The following LUZP2 variants were observed in gnomAD, a reference collection of about 807,000 sequenced individuals.
The protein encoded by LUZP2 is leucine zipper protein 2.
Under a neutral mutation model 51.6 loss-of-function variants are expected in LUZP2, and 52 were observed. That is an observed-to-expected ratio of 1.01 (90% confidence interval 0.81 to 1.27). The LOEUF is 1.27. LUZP2 is among the 50% of genes most tolerant of loss of function. The probability of loss-of-function intolerance (pLI) is 0.00; values close to 1 mark genes in which losing one functional copy is unlikely to be tolerated. For synonymous variants in LUZP2, 154 were observed against 137.3 expected, an observed-to-expected ratio of 1.12 and a Z score of -0.85; for missense variants, 436 against 395.4, an observed-to-expected ratio of 1.10 and a Z score of -0.87.
chr11:24,680,474 A>C (rs114469430), intron 1 of LUZP2, among the ~76,000 whole-genome samples: 3,054 of 152,310 alleles, frequency 0.02, 106 homozygotes, highest in African/African-American at 0.068. Context: ...GTGTTCCTTT[A>C]ACCACTTCAT....
At chr11:24,746,385 T>G (rs1859381491) in intron 4 of LUZP2, among the ~76,000 whole-genome samples, 2 of 152,284 alleles carry the variant, frequency 1.3e-5, no homozygotes, top group South Asian at 2.1e-4. Flanking sequence ...AGGGCCCCAA[T>G]CCTTCTAGCT....
chr11:24,722,452 A>C (rs976064305), intron 1 of LUZP2, among the ~76,000 whole-genome samples: 1 of 152,182 alleles, frequency 6.6e-6, no homozygotes, highest in Non-Finnish European at 1.5e-5. Flanking sequence ...TCATGAGAAC[A>C]GCATGGGAAA....
chr11:24,989,883 A>G (rs1215098015), intron 9 of LUZP2, among the ~76,000 whole-genome samples: 1 of 152,132 alleles, frequency 6.6e-6, no homozygotes, highest in Non-Finnish European at 1.5e-5. Flanking sequence ...TTTTTTTTCT[A>G]TACTAGTATT....
At chr11:24,618,626 G>T (rs1854378165) in intron 1 of LUZP2, among the ~76,000 whole-genome samples, 1 of 152,118 alleles carries the variant, frequency 6.6e-6, no homozygotes, top group African/African-American at 2.4e-5. Flanking sequence ...TCAATTCCAA[G>T]TCTGAGATAC....
chr11:24,605,978 A>T (rs1853903912), intron 1 of LUZP2, among the ~76,000 whole-genome samples: 1 of 151,878 alleles, frequency 6.6e-6, no homozygotes, highest in Non-Finnish European at 1.5e-5. Flanking sequence ...TGTCTGACTT[A>T]TCCCACTTAG....
chr11:24,524,593 G>A (rs1175383224), intron 1 of LUZP2, among the ~76,000 whole-genome samples: 1 of 151,696 alleles, frequency 6.6e-6, no homozygotes, highest in East Asian at 1.9e-4. Flanking sequence ...TTATAATTTA[G>A]TCCATTAACT....
chr11:24,739,467 A>G (rs1279474461), intron 4 of LUZP2, among the ~76,000 whole-genome samples: 1 of 152,052 alleles, frequency 6.6e-6, no homozygotes, highest in Admixed American at 6.6e-5. Context: ...TTGGAGCATC[A>G]ATGAGAGAGT....
intron 9 of LUZP2, among the ~76,000 whole-genome samples, chr11:25,016,927 C>A (rs1304967095): frequency 7.6e-6 from 1 of 131,792 alleles, no homozygotes; most frequent in East Asian, 4.1e-4. Context: ...CACTTCCTTG[C>A]CGACATCATT....
At chr11:24,830,735 C>T (rs961782580) in intron 5 of LUZP2, among the ~76,000 whole-genome samples, 1 of 151,994 alleles carries the variant, frequency 6.6e-6, no homozygotes, top group African/African-American at 2.4e-5. Context: ...TGGCTCATGC[C>T]TGTAATCCCA....
intron 9 of LUZP2, among the ~76,000 whole-genome samples, chr11:24,992,774 ACTAT>A (rs1428694978): frequency 2.0e-5 from 3 of 152,226 alleles, no homozygotes; most frequent in Non-Finnish European, 2.9e-5. Context: ...TACAAGTTGT[ACTAT>A]CTATTTGATG....
At chr11:24,946,021 G>A (rs569640663) in intron 7 of LUZP2, among the ~76,000 whole-genome samples, 1 of 152,006 alleles carries the variant, frequency 6.6e-6, no homozygotes, top group South Asian at 2.1e-4. Context: ...TTTTGTCCCT[G>A]ATGATTTTCA....
intron 5 of LUZP2, chr11:24,892,654 A>C (rs1413594381): frequency 1.8e-5 from 3 of 165,032 alleles, no homozygotes; most frequent in Non-Finnish European, 3.8e-5. Context: ...AAAACAAGTA[A>C]TGTGTATATT....
intron 5 of LUZP2, among the ~76,000 whole-genome samples, chr11:24,845,184 G>A (rs970109041): frequency 1.3e-5 from 2 of 152,196 alleles, no homozygotes; most frequent in African/African-American, 4.8e-5. Context: ...CAGAGGTGTG[G>A]AGCTGCCTAA....
At chr11:24,742,076 TC>T (rs1859202682) in intron 4 of LUZP2, among the ~76,000 whole-genome samples, 1 of 140,404 alleles carries the variant, frequency 7.1e-6, no homozygotes, top group African/African-American at 2.8e-5. Context: ...TATATATATA[TC>T]ACCATTTCTT....
chr11:24,667,835 A>T (rs1262022911), intron 1 of LUZP2, among the ~76,000 whole-genome samples: 1 of 152,200 alleles, frequency 6.6e-6, no homozygotes, highest in East Asian at 1.9e-4. Flanking sequence ...CCCCTCAGCA[A>T]TGAAAGTCCC....
At chr11:24,764,499 A>G (rs1324233078) in intron 5 of LUZP2, among the ~76,000 whole-genome samples, 2 of 133,622 alleles carry the variant, frequency 1.5e-5, no homozygotes, top group Non-Finnish European at 3.1e-5. Flanking sequence ...CTAAAAAAAA[A>G]AAAAAAAAAA....
intron 1 of LUZP2, among the ~76,000 whole-genome samples, chr11:24,591,127 A>G (rs1853244519): frequency 6.6e-6 from 1 of 152,122 alleles, no homozygotes; most frequent in African/African-American, 2.4e-5. Flanking sequence ...TAGTAATAAT[A>G]AAATGTTTTT....
At chr11:25,031,336 A>T (rs1857679976) in intron 9 of LUZP2, among the ~76,000 whole-genome samples, 1 of 151,884 alleles carries the variant, frequency 6.6e-6, no homozygotes. Context: ...CCGTTTGATA[A>T]ATAGGTTTCC....
At chr11:24,962,983 C>A (rs905792469) in intron 7 of LUZP2, among the ~76,000 whole-genome samples, 6 of 152,202 alleles carry the variant, frequency 3.9e-5, no homozygotes, top group African/African-American at 1.4e-4. Context: ...TTCTAACTGA[C>A]AGGACCGTCA....
Sources: gnomAD v4.1 joint callset for allele counts (sites outside exome capture counted in the v4.1 genomes callset) on GRCh38, gnomAD v4.1.1 for gene constraint, MANE v1.5 for transcripts, NCBI Gene and HGNC (gene_info 2026-07-23, HGNC 2026-07-21) for gene names.